The following ABCB11 variants were observed in gnomAD, a reference collection of about 807,000 sequenced individuals.
The protein encoded by ABCB11 is ATP binding cassette subfamily B member 11, also known as bile salt export pump.
In ABCB11, 95 loss-of-function variants were observed where a neutral mutation model predicts 148.0. The ratio of observed to expected loss-of-function variants is 0.64; its 90% CI spans 0.54 to 0.76. The LOEUF (loss-of-function observed/expected upper bound fraction) is 0.76. ABCB11 is among the 30% of genes least tolerant of loss of function. ABCB11 has a pLI of 0.00. For synonymous variants in ABCB11, 591 were observed against 555.4 expected (o/e 1.06, Z -0.90); for missense variants, 1,523 against 1,617.8 (o/e 0.94, Z 1.01).
chr2:168,934,413 C>T (rs1691724109), intron 23 of ABCB11, among the ~76,000 whole-genome samples: 1 of 152,184 alleles, frequency 6.6e-6, no homozygotes, highest in Admixed American at 6.5e-5. Flanking sequence ...CGCCCATATA[C>T]ATGTGTACCT....
chr2:168,963,625 T>A lies in ABCB11; in HGVS notation c.2178+581A>T, dbSNP rs568207423. On this transcript the variant is annotated intron_variant, in intron 18 of 27. Coordinates refer to ENST00000650372, the MANE Select transcript of ABCB11 (RefSeq NM_003742.4). ...CTCTTTAATTTTATGCTACCTTGAA[T>A]TATGTTAAAATTGATAGTATTATTT... Among the ~76,000 whole-genome samples the A allele has an allele frequency of 1.8e-4, 28 of 151,910 alleles. No homozygotes were observed. The South Asian group carries it at 2.1e-3, about 11-fold the overall frequency.
chr2:168,995,567 C>T (rs1441188589), intron 6 of ABCB11, 85 bp from the exon 7 acceptor site: 5 of 1,414,584 alleles, frequency 3.5e-6, no homozygotes, highest in Non-Finnish European at 4.8e-6. Context: ...ACTTTCAATA[C>T]AACAGTTGAG....
At chr2:168,945,323 G>C (rs1692255271) in intron 19 of ABCB11, among the ~76,000 whole-genome samples, 2 of 151,894 alleles carry the variant, frequency 1.3e-5, no homozygotes, top group African/African-American at 4.8e-5. Flanking sequence ...CTTTAAACAT[G>C]CTAGTAATTA....
At chr2:168,948,822 C>A (rs906551433) in intron 19 of ABCB11, among the ~76,000 whole-genome samples, 1 of 151,700 alleles carries the variant, frequency 6.6e-6, no homozygotes, top group Non-Finnish European at 1.5e-5. Flanking sequence ...CACAAGGGGG[C>A]AATGCGAAAA....
At position 168,993,700 on chromosome 2, in the gene ABCB11, GAC is replaced by G; in HGVS notation, c.783+9_783+10del. ...GTCTTCCCATGGAGAGATGCAAAAA[GAC>G]ATTCTTACCAGACCAATGGTGGCTG... On this transcript the variant is annotated intron_variant, in intron 8 of 27. Coordinates refer to ENST00000650372, the MANE Select transcript of ABCB11 (RefSeq NM_003742.4). 1 of 1,604,464 alleles carries G rather than the reference GAC, an allele frequency of 6.2e-7. No homozygotes were observed. The highest frequency in any genetic ancestry group is 8.5e-7 in the Non-Finnish European group (1 of 1,175,238).
At chr2:168,973,671 C>T (rs1693692730) in intron 13 of ABCB11, 44 bp downstream of exon 13, 1 of 1,603,102 alleles carries the variant, frequency 6.2e-7, no homozygotes, top group Non-Finnish European at 8.5e-7. Context: ...GCCATTTGCA[C>T]TTTACTGTCC....
intron 1 of ABCB11, 62 bp from the exon 2 acceptor site, chr2:169,018,214 T>A: frequency 6.9e-7 from 1 of 1,447,840 alleles, no homozygotes; most frequent in Non-Finnish European, 9.6e-7. Flanking sequence ...TTAATCAAAG[T>A]AGCCAAACGA....
At chr2:168,924,562 C>A in intron 27 of ABCB11, 95 bp downstream of exon 27, 3 of 1,279,118 alleles carry the variant, frequency 2.3e-6, no homozygotes, top group Admixed American at 2.0e-5. Context: ...GTTAACGAAT[C>A]AGAAAATTGA....
At chr2:168,951,880 T>C (rs1692585277) in intron 19 of ABCB11, among the ~76,000 whole-genome samples, 1 of 151,650 alleles carries the variant, frequency 6.6e-6, no homozygotes, top group Admixed American at 6.6e-5. Flanking sequence ...TTGCTGTTGG[T>C]TTGTATGGCT....
intron 5 of ABCB11, among the ~76,000 whole-genome samples, chr2:169,005,082 G>T (rs1257513662): frequency 2.6e-5 from 4 of 152,074 alleles, no homozygotes; most frequent in Non-Finnish European, 5.9e-5. Flanking sequence ...CTCCGTGAAG[G>T]TCCTCTGTTG....
chr2:169,024,173 T>C (rs1329346544), intron 1 of ABCB11, among the ~76,000 whole-genome samples: 1 of 152,068 alleles, frequency 6.6e-6, no homozygotes, highest in Non-Finnish European at 1.5e-5. Flanking sequence ...CCTGCACATC[T>C]GGCATGTGTA....
chr2:168,983,826 G>T (rs1210290278), intron 10 of ABCB11, among the ~76,000 whole-genome samples: 1 of 151,882 alleles, frequency 6.6e-6, no homozygotes, highest in African/African-American at 2.4e-5. Context: ...CCGGAATCTG[G>T]AGCTAAAAAA....
chr2:168,981,596 A>G (rs1422155723), intron 10 of ABCB11, among the ~76,000 whole-genome samples: 3 of 152,118 alleles, frequency 2.0e-5, no homozygotes, highest in African/African-American at 4.8e-5. Flanking sequence ...GAGGTCCCAC[A>G]CTTAGGAGGC....
Position 168,971,891 on chromosome 2 carries a change from C to A in ABCB11, c.1594G>T (p.Ala532Ser), listed in dbSNP as rs1693594029. 24 of 1,612,990 alleles carry A rather than the reference C, an allele frequency of 1.5e-5. No homozygotes were observed. Among genetic ancestry groups the A allele is most frequent in the Non-Finnish European group, 2.0e-5 (24 of 1,179,346 alleles). ...AAGTTGTAGGCATTGGCCTCCTTGGCAGCTTGGACTATGTCTTCCATTGTT... is the reference window on the plus strand; with the variant it reads ...AAGTTGTAGGCATTGGCCTCCTTGGAAGCTTGGACTATGTCTTCCATTGTT... Reference protein sequence around the residue: ...DATMEDIVQAAKEANAYNFIM... With the variant: ...DATMEDIVQASKEANAYNFIM... Residue 532 changes from alanine (A) to serine (S), a missense_variant, in exon 14 of 28, where the codon GCC becomes TCC. By Grantham distance (99) the Ala-to-Ser change is moderately conservative. Coordinates refer to ENST00000650372, the MANE Select transcript of ABCB11 (RefSeq NM_003742.4).
In ABCB11 at chr2:168,935,219, G is replaced by T. The variant is rs746212248; in HGVS notation, c.3021C>A (p.Ile1007=). The T allele has an allele frequency of 6.2e-7, 1 of 1,613,972 alleles. No homozygotes were observed. The highest frequency in any genetic ancestry group is 1.1e-5 in the South Asian group (1 of 91,080). The change falls in exon 23 of 28, where the codon ATC becomes ATA. Residue 1007 remains isoleucine, a synonymous_variant. Transcript: ENST00000650372. The part of the protein sequence containing the change: ...SASYRYGGYL[I]SNEGLHFSYV... Reference sequence around the variant, plus strand: ...AGCTGAAATGGAGCCCCTCATTGGAGATTAAGTAACCTCCATATCTGTAGG... The same window carrying T: ...AGCTGAAATGGAGCCCCTCATTGGATATTAAGTAACCTCCATATCTGTAGG...
At position 168,922,223 on chromosome 2, in the gene ABCB11, G is replaced by A. The variant is rs1231483461; in HGVS notation, c.*1399C>T. ...TCTCCTGCCAGAAGAGAGGGGCTGGGAGTTCTTCTGTTCATACACAGCTTT... is the reference window on the plus strand; with the variant it reads ...TCTCCTGCCAGAAGAGAGGGGCTGGAAGTTCTTCTGTTCATACACAGCTTT... On this transcript the variant is annotated 3_prime_UTR_variant, in exon 28 of 28. Coordinates refer to ENST00000650372, the MANE Select transcript of ABCB11 (RefSeq NM_003742.4). 1.3e-5 allele frequency among the ~76,000 whole-genome samples: 2 copies of A among 152,114 alleles called. No individual in the cohort carries two copies. Among genetic ancestry groups the A allele is most frequent in the Non-Finnish European group, 2.9e-5 (2 of 68,022 alleles).
intron 1 of ABCB11, among the ~76,000 whole-genome samples, chr2:169,024,519 TTAG>T (rs1695633840): frequency 6.6e-6 from 1 of 152,234 alleles, no homozygotes; most frequent in Non-Finnish European, 1.5e-5. Flanking sequence ...TCTTACATTA[TTAG>T]TATTAATGTC....
intron 5 of ABCB11, among the ~76,000 whole-genome samples, chr2:168,996,938 C>T (rs961263464): frequency 1.3e-5 from 2 of 151,262 alleles, no homozygotes; most frequent in African/African-American, 4.9e-5. Context: ...TCTAAACAGA[C>T]CTCATGGTAC....
Position 168,935,332 on chromosome 2 carries a change from G to T in ABCB11, c.2908C>A (p.Pro970Thr). ...IEALETELEKPFKTAIQKANI... is the reference protein window; with the variant it reads ...IEALETELEKTFKTAIQKANI... ...GCTTTCTGAATGGCTGTCTTGAAGG[G>T]CTTCTCCAGCTCAGTCTCAAGTGCT... Residue 970 changes from proline to threonine, a missense_variant, in exon 23 of 28, where the codon CCC becomes ACC. Coordinates refer to ENST00000650372, the MANE Select transcript of ABCB11 (RefSeq NM_003742.4). The T allele has an allele frequency of 6.2e-7, 1 of 1,613,988 alleles. No individual in the cohort carries two copies. Among genetic ancestry groups the T allele is most frequent in the Non-Finnish European group, 8.5e-7 (1 of 1,179,896 alleles).
Sources: gnomAD v4.1 joint callset for allele counts (sites outside exome capture counted in the v4.1 genomes callset) on GRCh38, gnomAD v4.1.1 for gene constraint, MANE v1.5 for transcripts, NCBI Gene and HGNC (gene_info 2026-07-23, HGNC 2026-07-21) for gene names.